KRT8: variants seen among roughly 807,000 people sequenced by gnomAD.
KRT8 encodes the protein keratin 8.
Under a neutral mutation model 43.0 loss-of-function variants are expected in KRT8, and 24 were observed. The observed-to-expected ratio is 0.56, with a 90% CI of 0.40 to 0.78. The LOEUF (loss-of-function observed/expected upper bound fraction) is 0.78. KRT8 is among the 30% of genes least tolerant of loss of function. The pLI is 0.00. For synonymous variants in KRT8, 214 were observed against 261.2 expected, an observed-to-expected ratio of 0.82 and a Z score of 1.74; for missense variants, 492 against 638.4, an observed-to-expected ratio of 0.77 and a Z score of 2.47.
chr12:52,901,554 T>G (rs1258552837), intron 2 of KRT8: 1 of 558,754 alleles, frequency 1.8e-6, no homozygotes, highest in Non-Finnish European at 3.2e-6. Flanking sequence ...GGCCAGAATG[T>G]TAAGTACAAA....
At chr12:52,922,969 G>T (rs1427257770) in intron 2 of KRT8, among the ~76,000 whole-genome samples, 1 of 152,160 alleles carries the variant, frequency 6.6e-6, no homozygotes, top group African/African-American at 2.4e-5. Context: ...CCTTCCAGAA[G>T]ACCTCCAGGA....
At chr12:52,897,234 A>T in exon 8 of KRT8, 1 of 658,976 alleles carries the variant, frequency 1.5e-6, no homozygotes, top group Non-Finnish European at 2.7e-6. Flanking sequence ...AAAAAAAAAA[A>T]GCAATTGAAT....
intron 2 of KRT8, chr12:52,901,601 G>A: frequency 3.4e-6 from 2 of 582,340 alleles, no homozygotes; most frequent in Non-Finnish European, 6.1e-6. Context: ...TCCCGTCTCA[G>A]GTTTACCATG....
chr12:52,945,082 C>T (rs1289935546), intron 2 of KRT8, among the ~76,000 whole-genome samples: 3 of 152,194 alleles, frequency 2.0e-5, no homozygotes, highest in Non-Finnish European at 2.9e-5. Context: ...TTACGGAGCT[C>T]CACCTATGTG....
chr12:52,941,478 CTTTTT>C lies in KRT8; in HGVS notation c.-47+7973_-47+7977del, dbSNP rs774607187. Among the ~76,000 whole-genome samples, 17 of 72,574 alleles carry C rather than the reference CTTTTT, an allele frequency of 2.3e-4. No homozygotes were observed. The East Asian group carries it at 4.5e-3, about 19-fold the overall frequency. 47.6% of individuals were successfully genotyped at this position (72,574 alleles called of 152,430 possible). On this transcript the variant is annotated intron_variant, in intron 2 of 6. Coordinates refer to the KRT8 transcript ENST00000546826. ...CGGGCTCCTCTAGCAAGTTTTTGCT[CTTTTT>C]TTTTTTTTTTTTTTTTTTTTTTGAG...
chr12:52,898,500 T>C, exon 7 of KRT8: 1 of 1,614,070 alleles, frequency 6.2e-7, no homozygotes, highest in Non-Finnish European at 8.5e-7. Context: ...ATACTCATGT[T>C]CTGCATCCCA....
At chr12:52,944,076 G>A (rs1004036015) in intron 2 of KRT8, among the ~76,000 whole-genome samples, 4 of 152,172 alleles carry the variant, frequency 2.6e-5, no homozygotes, top group African/African-American at 9.7e-5. Context: ...AAGCAGACAG[G>A]AGGGGAGGTC....
chr12:52,923,409 A>ATTGTTTTGTT (rs573304296), intron 2 of KRT8, among the ~76,000 whole-genome samples: 2 of 151,896 alleles, frequency 1.3e-5, no homozygotes, highest in Non-Finnish European at 2.9e-5. Context: ...TTATTCCTAA[A>ATTGTTTTGTT]TTGTTTTGTT....
At chr12:52,907,024 G>C, upstream of KRT8, 1 of 251,550 alleles carries the variant, frequency 4.0e-6, no homozygotes, top group Non-Finnish European at 7.9e-6. Flanking sequence ...CCCACACATT[G>C]AAGTCCCTTC....
intron 2 of KRT8, among the ~76,000 whole-genome samples, chr12:52,938,473 T>C (rs959100994): frequency 6.6e-6 from 1 of 151,648 alleles, no homozygotes; most frequent in Non-Finnish European, 1.5e-5. Context: ...AGCCTAACTT[T>C]TGTTTTTCCT....
intron 2 of KRT8, among the ~76,000 whole-genome samples, chr12:52,939,022 C>T (rs1157244052): frequency 6.6e-6 from 1 of 151,892 alleles, no homozygotes; most frequent in Non-Finnish European, 1.5e-5. Flanking sequence ...GAGTTCCAGG[C>T]TATAGTAAGC....
intron 2 of KRT8, among the ~76,000 whole-genome samples, chr12:52,940,776 T>A (rs1942255161): frequency 6.7e-6 from 1 of 149,928 alleles, no homozygotes. Flanking sequence ...CAGGCGCCCA[T>A]CCCCATGCCC....
chr12:52,945,336 C>T (rs1484315698), intron 2 of KRT8, among the ~76,000 whole-genome samples: 2 of 152,206 alleles, frequency 1.3e-5, no homozygotes, highest in African/African-American at 2.4e-5. Context: ...GGCCTTCTCA[C>T]TGTCTCCAAC....
At chr12:52,905,159 GGCCTAACCCGTCA>G, upstream of KRT8, 1 of 1,232,702 alleles carries the variant, frequency 8.1e-7, no homozygotes. Flanking sequence ...GAGGGGGCTG[GGCCTAACCCGTCA>G]CCTGCCACCT....
intron 2 of KRT8, among the ~76,000 whole-genome samples, chr12:52,924,186 T>A (rs947634408): frequency 2.0e-5 from 3 of 152,090 alleles, no homozygotes; most frequent in Non-Finnish European, 2.9e-5. Context: ...CAGTGGCTCA[T>A]GCCTGTAATC....
upstream of KRT8, among the ~76,000 whole-genome samples, chr12:52,906,368 G>C (rs1191782818): frequency 6.6e-6 from 1 of 152,190 alleles, no homozygotes; most frequent in Non-Finnish European, 1.5e-5. Context: ...ACGGCAGGGG[G>C]TACAGTGGAG....
chr12:52,902,413 C>CG, intron 1 of KRT8, among the ~76,000 whole-genome samples: 1 of 152,012 alleles, frequency 6.6e-6, no homozygotes, highest in Non-Finnish European at 1.5e-5. Flanking sequence ...TGGGAGTCTC[C>CG]GGCGCCCAGG....
chr12:52,897,374 C>T lies in KRT8; in HGVS notation c.*54G>A, dbSNP rs770456933. 22 of 1,511,290 alleles carry T rather than the reference C, an allele frequency of 1.5e-5. No homozygotes were observed. The African/African-American group carries it at 2.6e-4, about 18-fold the overall frequency. 93.6% of individuals were successfully genotyped at this position (1,511,290 alleles called of 1,614,324 possible). A position where few individuals can be genotyped will look rare whatever the true frequency, so the allele number is the denominator to read the frequency against. ...GCTACCCTGCATAGCGGCCTCCTTC[C>T]CAGGCTCTGGGGCAGCGCAGGAGGG... On this transcript the variant is annotated 3_prime_UTR_variant, in exon 8 of 8. Transcript: ENST00000692008.
chr12:52,916,117 C>T (rs1941735373), intron 2 of KRT8, among the ~76,000 whole-genome samples: 2 of 152,044 alleles, frequency 1.3e-5, no homozygotes, highest in South Asian at 4.1e-4. Flanking sequence ...GAGGGTGGGA[C>T]TAGGGGTTTC....
Sources: gnomAD v4.1 joint callset for allele counts (sites outside exome capture counted in the v4.1 genomes callset) on GRCh38, gnomAD v4.1.1 for gene constraint, MANE v1.5 for transcripts, NCBI Gene and HGNC (gene_info 2026-07-23, HGNC 2026-07-21) for gene names.